Variants in FAM13A observed in about 807,000 individuals in gnomAD.
FAM13A encodes protein FAM13A.
FAM13A carries 76 observed loss-of-function variants against 129.6 expected under a neutral mutation model. The observed-to-expected ratio is 0.59, with a 90% CI of 0.49 to 0.71. The LOEUF is 0.71. Ranked by LOEUF, FAM13A falls within the 30% of genes least tolerant of loss-of-function variation. The pLI is 0.00. For synonymous variants in FAM13A, 443 were observed against 449.9 expected (o/e 0.98, Z 0.20); for missense variants, 1,108 against 1,249.3 (o/e 0.89, Z 1.70).
chr4:88,954,768 CA>C (rs1757484021), intron 4 of FAM13A, among the ~76,000 whole-genome samples: 2 of 151,832 alleles, frequency 1.3e-5, no homozygotes, highest in African/African-American at 4.8e-5. Flanking sequence ...CGCCTATAAT[CA>C]CAGCTACTCA....
chr4:88,751,190 A>G (rs1337002268), intron 14 of FAM13A, among the ~76,000 whole-genome samples: 1 of 152,168 alleles, frequency 6.6e-6, no homozygotes, highest in Non-Finnish European at 1.5e-5. Flanking sequence ...TGCAATGAGC[A>G]GAGATTGCGC....
chr4:88,806,322 C>T (rs576862120), intron 7 of FAM13A, among the ~76,000 whole-genome samples: 4 of 152,148 alleles, frequency 2.6e-5, no homozygotes, highest in Non-Finnish European at 5.9e-5. Context: ...CACCTTACCG[C>T]ATCTGGGAAA....
At chr4:88,836,665 A>G (rs1734854171) in intron 7 of FAM13A, among the ~76,000 whole-genome samples, 1 of 152,192 alleles carries the variant, frequency 6.6e-6, no homozygotes, top group Admixed American at 6.5e-5. Flanking sequence ...GTGTAGTTAT[A>G]TTTAATAAAT....
At chr4:89,003,073 G>A (rs1764477622) in intron 3 of FAM13A, among the ~76,000 whole-genome samples, 1 of 151,950 alleles carries the variant, frequency 6.6e-6, no homozygotes, top group Admixed American at 6.6e-5. Context: ...GGAACCCATG[G>A]AATGTTTAAC....
At chr4:88,797,928 G>A (rs1726562429) in intron 8 of FAM13A, among the ~76,000 whole-genome samples, 1 of 152,144 alleles carries the variant, frequency 6.6e-6, no homozygotes, top group African/African-American at 2.4e-5. Flanking sequence ...GAGTCATTGA[G>A]GCAGATCATC....
At chr4:88,810,148 A>G (rs113112627) in intron 7 of FAM13A, among the ~76,000 whole-genome samples, 1 of 152,290 alleles carries the variant, frequency 6.6e-6, no homozygotes, top group Non-Finnish European at 1.5e-5. Flanking sequence ...AGAAATTTTT[A>G]GCTAACAGTA....
At chr4:88,988,486 A>T (rs1762541566) in intron 4 of FAM13A, among the ~76,000 whole-genome samples, 1 of 152,242 alleles carries the variant, frequency 6.6e-6, no homozygotes, top group Admixed American at 6.5e-5. Context: ...ACAGTGAAAT[A>T]GCTGAGGTCT....
At chr4:88,749,658 G>C (rs1742135126) in intron 16 of FAM13A, 113 bp downstream of exon 16, 2 of 1,100,464 alleles carry the variant, frequency 1.8e-6, no homozygotes, top group East Asian at 4.8e-5. Flanking sequence ...CCTTTTTGTT[G>C]TAAGATTCCC....
chr4:88,972,615 T>TG (rs1364280737), intron 4 of FAM13A, among the ~76,000 whole-genome samples: 3 of 151,708 alleles, frequency 2.0e-5, no homozygotes, highest in African/African-American at 7.3e-5. Context: ...CTTCACTTTT[T>TG]TTTGGGGGGG....
At chr4:89,034,453 G>A (rs1769098569) in intron 1 of FAM13A, among the ~76,000 whole-genome samples, 1 of 152,142 alleles carries the variant, frequency 6.6e-6, no homozygotes. Flanking sequence ...AGAGAAAAGG[G>A]TACATTTATA....
intron 6 of FAM13A, among the ~76,000 whole-genome samples, chr4:88,861,824 T>C (rs1394309975): frequency 6.6e-6 from 1 of 152,208 alleles, no homozygotes; most frequent in African/African-American, 2.4e-5. Flanking sequence ...ATTCTCATTT[T>C]CAATTTTAAA....
At chr4:89,047,987 T>C (rs1421536724) in intron 1 of FAM13A, among the ~76,000 whole-genome samples, 1 of 152,124 alleles carries the variant, frequency 6.6e-6, no homozygotes, top group Non-Finnish European at 1.5e-5. Context: ...AACAATACTA[T>C]ATGTTGGCAA....
At chr4:88,798,282 A>T (rs771640594) in intron 8 of FAM13A, among the ~76,000 whole-genome samples, 13 of 152,132 alleles carry the variant, frequency 8.5e-5, no homozygotes, top group Non-Finnish European at 1.8e-4. Flanking sequence ...AAAATCCAAT[A>T]ATCTTCTTCC....
intron 4 of FAM13A, among the ~76,000 whole-genome samples, chr4:88,962,071 C>A (rs1028684791): frequency 6.6e-6 from 1 of 150,524 alleles, no homozygotes; most frequent in Non-Finnish European, 1.5e-5. Flanking sequence ...AGGTAGGAGT[C>A]AGAAGAGAGA....
rs184463624 is a variant in FAM13A at position 89,033,197 on chromosome 4, G to C, written c.28-3548C>G. On this transcript the variant is annotated intron_variant, in intron 1 of 23. Transcript: ENST00000264344. Reference sequence around the variant, plus strand: ...ACCTAGAAAAAAATTAAAATTATCAGAGAAAATAGAAAATTAAAGTTTTAA... The same window carrying C: ...ACCTAGAAAAAAATTAAAATTATCACAGAAAATAGAAAATTAAAGTTTTAA... Among the ~76,000 whole-genome samples the C allele has an allele frequency of 1.2e-4, 18 of 152,044 alleles. No individual in the cohort carries two copies. In the East Asian group the frequency reaches 1.5e-3, roughly 13 times the overall value.
rs375095014 is a variant in FAM13A at position 88,731,956 on chromosome 4, G to C, written c.2843+46C>G. On this transcript the variant is annotated intron_variant, in intron 22 of 23. Transcript: ENST00000264344. ...AAAGGCTAAGATAATATTTAAGTGA[G>C]CTATTTTTACCAAAACATTTCACCA... 422 of 1,434,890 alleles carry C rather than the reference G, an allele frequency of 2.9e-4. 3 individuals carry two copies. The highest frequency in any genetic ancestry group is 2.4e-3 in the African/African-American group (168 of 70,280). 88.9% of individuals were successfully genotyped at this position (1,434,890 alleles called of 1,614,324 possible).
intron 3 of FAM13A, among the ~76,000 whole-genome samples, chr4:89,005,198 A>G (rs1401862435): frequency 6.6e-6 from 1 of 152,218 alleles, no homozygotes; most frequent in Non-Finnish European, 1.5e-5. Flanking sequence ...TAGTTTGCTA[A>G]GGATAATAGC....
intron 6 of FAM13A, among the ~76,000 whole-genome samples, chr4:88,887,303 G>T (rs538205011): frequency 4.9e-4 from 74 of 152,088 alleles, no homozygotes; most frequent in African/African-American, 1.5e-3. Context: ...AATAAATAAA[G>T]AAATAAATTT....
chr4:88,795,782 G>T (rs10428504), intron 8 of FAM13A, among the ~76,000 whole-genome samples: 80,552 of 151,472 alleles, frequency 0.53, 21,815 homozygotes, highest in East Asian at 0.68. Context: ...TCAAATAGAT[G>T]TTCTCCAAAT....
Sources: allele counts gnomAD v4.1 joint callset (sites outside exome capture counted in the v4.1 genomes callset), GRCh38; gene constraint gnomAD v4.1.1; transcripts MANE v1.5; gene names NCBI Gene and HGNC (gene_info 2026-07-23, HGNC 2026-07-21).